CELF2: variants seen among roughly 807,000 people sequenced by gnomAD.
The protein encoded by CELF2 is CUG triplet repeat RNA-binding protein 2.
In CELF2, 8 loss-of-function variants were observed where a neutral mutation model predicts 62.6. The observed-to-expected ratio is 0.13, with a 90% CI of 0.07 to 0.23. The LOEUF (loss-of-function observed/expected upper bound fraction) is 0.23, where lower values mean the gene tolerates loss of function less well. Among genes scored for constraint, CELF2 ranks in the 10% least tolerant of loss-of-function variants. The pLI, the probability that CELF2 is intolerant of heterozygous loss-of-function variation, is 1.00. For missense variants in CELF2, 333 were observed against 671.0 expected (o/e 0.50, Z 5.56); for synonymous variants, 258 against 250.0 (o/e 1.03, Z -0.30).
chr10:10,652,253 A>T, the CELF2 span, among the ~76,000 whole-genome samples: 1 of 128,510 alleles, frequency 7.8e-6, no homozygotes. Context: ...TGATTGGTGT[A>T]CCTGAAAGTG....
chr10:10,943,681 C>G (rs913772288), intron 2 of CELF2, among the ~76,000 whole-genome samples: 2 of 152,154 alleles, frequency 1.3e-5, no homozygotes, highest in African/African-American at 4.8e-5. Context: ...TCACTGCAAC[C>G]TCTGCTTCTC....
the CELF2 span, among the ~76,000 whole-genome samples, chr10:10,768,241 A>G: frequency 2.0e-5 from 3 of 151,764 alleles, no homozygotes; most frequent in Non-Finnish European, 4.4e-5. Flanking sequence ...TGAGCTGGTA[A>G]CTCACCTACC....
At chr10:10,890,288 A>T (rs1393007242) in intron 1 of CELF2, among the ~76,000 whole-genome samples, 1 of 152,174 alleles carries the variant, frequency 6.6e-6, no homozygotes, top group Non-Finnish European at 1.5e-5. Flanking sequence ...CTCAAAGGTG[A>T]ATTGTCTACA....
intron 9 of CELF2, among the ~76,000 whole-genome samples, chr10:11,304,296 TTC>T (rs1312447432): frequency 6.6e-6 from 1 of 152,196 alleles, no homozygotes; most frequent in Admixed American, 6.5e-5. Context: ...CTCTGATTTT[TTC>T]TCTTTTGATT....
chr10:10,704,290 G>A, the CELF2 span, among the ~76,000 whole-genome samples: 2 of 148,530 alleles, frequency 1.3e-5, no homozygotes, highest in Non-Finnish European at 3.0e-5. Context: ...CATATTGTGT[G>A]ATTTACCTTC....
At chr10:10,720,841 CCTT>C in the CELF2 span, among the ~76,000 whole-genome samples, 6 of 152,142 alleles carry the variant, frequency 3.9e-5, no homozygotes, top group Non-Finnish European at 7.3e-5. Flanking sequence ...TTTGCCCTCT[CCTT>C]CTGCAATTGA....
At chr10:11,190,443 T>A (rs757593667) in intron 2 of CELF2, among the ~76,000 whole-genome samples, 1 of 152,114 alleles carries the variant, frequency 6.6e-6, no homozygotes, top group Non-Finnish European at 1.5e-5. Flanking sequence ...TGTGTCAGTT[T>A]GCAAACAAGA....
At chr10:10,869,312 C>T (rs2060578965) in intron 1 of CELF2, among the ~76,000 whole-genome samples, 1 of 152,028 alleles carries the variant, frequency 6.6e-6, no homozygotes, top group African/African-American at 2.4e-5. Flanking sequence ...ATCTGTAATC[C>T]CAGCACTTTG....
At chr10:10,574,897 T>A in the CELF2 span, among the ~76,000 whole-genome samples, 46,453 of 136,852 alleles carry the variant, frequency 0.34, 8,733 homozygotes, top group African/African-American at 0.42. Context: ...TTTTTTTTTT[T>A]AATAGAGATG....
chr10:11,209,033 C>A (rs576221421), intron 2 of CELF2, among the ~76,000 whole-genome samples: 1 of 152,318 alleles, frequency 6.6e-6, no homozygotes, highest in East Asian at 1.9e-4. Context: ...CAGTACAACA[C>A]AGATATGTCT....
chr10:11,285,926 G>A lies in CELF2; in HGVS notation c.842-2492G>A, dbSNP rs933568341. 6.7e-6 allele frequency among the ~76,000 whole-genome samples: 1 copy of A among 149,884 alleles called. No individual in the cohort carries two copies. Among genetic ancestry groups the A allele is most frequent in the Non-Finnish European group, 1.5e-5 (1 of 67,658 alleles). ...GTAAGACATAATTTTTGTCCTAAAG[G>A]AACTTGGTATCTGGTTGGGAGGGCA... On this transcript the variant is annotated intron_variant, in intron 8 of 12. Coordinates refer to ENST00000633077, the MANE Select transcript of CELF2 (RefSeq NM_001326342.2). This position sits in a 1 kb window ranked among gnomAD's most constrained non-coding sequence, Gnocchi z 4.3.
the CELF2 span, among the ~76,000 whole-genome samples, chr10:10,726,507 T>C: frequency 6.6e-6 from 1 of 152,184 alleles, no homozygotes; most frequent in African/African-American, 2.4e-5. Context: ...CCAAGGTACC[T>C]CACCGACCTG....
At chr10:11,320,348 G>A (rs1247963507) in intron 10 of CELF2, among the ~76,000 whole-genome samples, 1 of 152,176 alleles carries the variant, frequency 6.6e-6, no homozygotes, top group Admixed American at 6.5e-5. Flanking sequence ...ACACACCTCT[G>A]TCTCCGGCTG....
At chr10:11,062,153 G>T (rs183542049) in intron 1 of CELF2, among the ~76,000 whole-genome samples, 1 of 149,838 alleles carries the variant, frequency 6.7e-6, no homozygotes, top group Non-Finnish European at 1.5e-5. Context: ...GCTCAGGGGG[G>T]GAAAAAAAAA....
chr10:11,080,768 A>G (rs1436880318), intron 1 of CELF2, among the ~76,000 whole-genome samples: 2 of 152,232 alleles, frequency 1.3e-5, no homozygotes, highest in Non-Finnish European at 2.9e-5. Flanking sequence ...AGGATGCTGG[A>G]CAGGCTTTGC....
At chr10:10,754,378 C>T in the CELF2 span, among the ~76,000 whole-genome samples, 1 of 152,054 alleles carries the variant, frequency 6.6e-6, no homozygotes, top group Non-Finnish European at 1.5e-5. Context: ...TCTCAAACTT[C>T]CGGACTTGAG....
chr10:10,660,892 A>G, the CELF2 span, among the ~76,000 whole-genome samples: 11 of 152,214 alleles, frequency 7.2e-5, no homozygotes, highest in Non-Finnish European at 1.5e-4. Context: ...TACAGAACGA[A>G]CACACAGGGA....
At chr10:10,669,899 C>CT in the CELF2 span, among the ~76,000 whole-genome samples, 83 of 84,188 alleles carry the variant, frequency 9.9e-4, no homozygotes, top group Non-Finnish European at 1.7e-3. Flanking sequence ...TCTTATATGC[C>CT]TTTTTTTTTT....
At chr10:11,090,817 C>G (rs2048114677) in intron 1 of CELF2, among the ~76,000 whole-genome samples, 1 of 152,174 alleles carries the variant, frequency 6.6e-6, no homozygotes, top group Admixed American at 6.5e-5. Context: ...TTAGGTCATA[C>G]TGTCATCAAT....
Sources: allele counts gnomAD v4.1 joint callset (sites outside exome capture counted in the v4.1 genomes callset), GRCh38; gene constraint gnomAD v4.1.1; non-coding constraint Gnocchi (gnomAD v3.1); transcripts MANE v1.5; gene names NCBI Gene and HGNC (gene_info 2026-07-23, HGNC 2026-07-21).